The following POLN variants were observed in gnomAD, a reference collection of about 807,000 sequenced individuals.
The protein encoded by POLN is DNA polymerase N.
Under a neutral mutation model 113.5 loss-of-function variants are expected in POLN, and 108 were observed. That is an observed-to-expected ratio of 0.95 (90% CI 0.81 to 1.12). The LOEUF is 1.12. POLN is among the 50% of genes most tolerant of loss of function. The pLI is 0.00. For missense variants in POLN, 1,097 were observed against 1,077.1 expected (o/e 1.02, Z -0.26); for synonymous variants, 386 against 391.5 (o/e 0.99, Z 0.17).
At chr4:2,132,409 G>A (rs975544210) in intron 16 of POLN, among the ~76,000 whole-genome samples, 32 of 152,218 alleles carry the variant, frequency 2.1e-4, no homozygotes, top group African/African-American at 7.7e-4. Context: ...AGAGAATTGT[G>A]CAGAAAAAAG....
chr4:2,089,009 T>G (rs1730609485), intron 20 of POLN: 3 of 877,748 alleles, frequency 3.4e-6, no homozygotes, highest in South Asian at 2.9e-5. Context: ...GTTTTTCTCA[T>G]TATCCTTAGC....
chr4:2,165,320 A>G (rs1462706452), intron 13 of POLN, among the ~76,000 whole-genome samples: 1 of 152,252 alleles, frequency 6.6e-6, no homozygotes, highest in Non-Finnish European at 1.5e-5. Context: ...GAAATAAGTC[A>G]ATCCGAAAAG....
chr4:2,177,586 T>C (rs1189916668), intron 8 of POLN, among the ~76,000 whole-genome samples: 2 of 152,234 alleles, frequency 1.3e-5, no homozygotes, highest in Non-Finnish European at 2.9e-5. Flanking sequence ...GCCTCGAGTG[T>C]GGATGAGTTG....
At position 2,127,825 on chromosome 4, in the gene POLN, C is replaced by G. The variant is rs1462224495; in HGVS notation, c.1982+288G>C. Among the ~76,000 whole-genome samples, 1 of 152,244 alleles carries G rather than the reference C, an allele frequency of 6.6e-6. No individual in the cohort carries two copies. Among genetic ancestry groups the G allele is most frequent in the African/African-American group, 2.4e-5 (1 of 41,474 alleles). On this transcript the variant is annotated intron_variant, in intron 19 of 25. Transcript: ENST00000511885. The surrounding 1 kb of genome is among the most constrained non-coding windows in gnomAD (Gnocchi z 4.7). ...AGCCAGCACCGCGGGCTCGCTCTTT[C>G]CGTGGTGCTCGCCTGCAGGGCGCGG...
chr4:2,072,477 A>C (rs745467102), intron 25 of POLN, among the ~76,000 whole-genome samples, 178 bp from the exon 26 acceptor site: 1 of 152,212 alleles, frequency 6.6e-6, no homozygotes, highest in Non-Finnish European at 1.5e-5. Context: ...CTCGCCCAGC[A>C]ACAGGCTTAT....
intron 13 of POLN, among the ~76,000 whole-genome samples, chr4:2,170,071 G>A (rs956478813): frequency 6.6e-6 from 1 of 152,214 alleles, no homozygotes; most frequent in Non-Finnish European, 1.5e-5. Context: ...TTACAAAGTC[G>A]AATGCTGGAC....
At chr4:2,090,476 G>T (rs541454791) in intron 20 of POLN, 1 of 545,838 alleles carries the variant, frequency 1.8e-6, no homozygotes, top group Non-Finnish European at 3.4e-6. Flanking sequence ...TCAACGGAAG[G>T]TTTGTCACGC....
chr4:2,089,604 A>G, intron 20 of POLN: 1 of 976,298 alleles, frequency 1.0e-6, no homozygotes, highest in Non-Finnish European at 1.5e-6. Context: ...CATTTAAATT[A>G]TCAACAGTCA....
In POLN at chr4:2,181,152, T is replaced by C. The variant is rs1452751154; in HGVS notation, c.1022-1687A>G. Among the ~76,000 whole-genome samples the C allele has an allele frequency of 2.0e-5, 3 of 152,222 alleles. No homozygotes were observed. In the East Asian group the frequency reaches 5.8e-4, roughly 29 times the overall value. ...GGGAATTTTTTGTTTGTTTGTTTTG[T>C]TTGTTTTTTTGAGATGGAGTCTTGC... is the stretch of plus-strand genomic sequence containing the variant. On this transcript the variant is annotated intron_variant, in intron 7 of 25. Coordinates refer to ENST00000511885, the MANE Select transcript of POLN (RefSeq NM_181808.4).
At chr4:2,133,228 T>C (rs1387579784) in intron 16 of POLN, among the ~76,000 whole-genome samples, 2 of 151,016 alleles carry the variant, frequency 1.3e-5, no homozygotes, top group East Asian at 1.9e-4. Flanking sequence ...GAAAGTAAAT[T>C]AGTGCAGCCA....
intron 3 of POLN, among the ~76,000 whole-genome samples, chr4:2,216,035 G>A (rs985791480): frequency 1.3e-5 from 2 of 152,208 alleles, no homozygotes; most frequent in Non-Finnish European, 2.9e-5. Flanking sequence ...AATTTGGGCA[G>A]GGGACCATGA....
intron 2 of POLN, chr4:2,240,999 T>A: frequency 7.5e-7 from 1 of 1,336,762 alleles, no homozygotes. Context: ...CGGTGTTGAT[T>A]TTTAGAAAAT....
At chr4:2,100,204 G>T (rs546557989) in intron 19 of POLN, among the ~76,000 whole-genome samples, 55 of 152,240 alleles carry the variant, frequency 3.6e-4, no homozygotes, top group African/African-American at 1.2e-3. Context: ...AAGCCCACAA[G>T]TAAGTCTAGT....
Position 2,095,905 on chromosome 4 carries a change from G to T in POLN, c.2011C>A (p.His671Asn). The change falls in exon 20 of 26, where the codon CAC (histidine) becomes AAC (asparagine). Residue 671 changes from histidine (H) to asparagine (N), a missense_variant. By Grantham distance (68) the His-to-Asn change is moderately conservative (BLOSUM62 1). Coordinates refer to ENST00000511885, the MANE Select transcript of POLN (RefSeq NM_181808.4). ...TTCTTGGTTTGCTCTCTGTCTGCGTGTGTCACCTGTTCCACGGGCACATCC... is the reference window on the plus strand; with the variant it reads ...TTCTTGGTTTGCTCTCTGTCTGCGTTTGTCACCTGTTCCACGGGCACATCC... ...WKDVPVEQVT[H>N]ADREQTKKVV... 1 of 1,614,164 alleles carries T rather than the reference G, an allele frequency of 6.2e-7. No individual in the cohort carries two copies. The highest frequency in any genetic ancestry group is 8.5e-7 in the Non-Finnish European group (1 of 1,180,034).
chr4:2,110,249 G>C (rs919943052), intron 19 of POLN, among the ~76,000 whole-genome samples: 5 of 152,092 alleles, frequency 3.3e-5, no homozygotes, highest in Non-Finnish European at 2.9e-5. Flanking sequence ...AGTGTGTAGA[G>C]GGAAATTTAT....
chr4:2,075,102 T>G lies in POLN; in HGVS notation c.2455+350A>C, dbSNP rs115528570. Among the ~76,000 whole-genome samples, 709 of 152,274 alleles carry G rather than the reference T, an allele frequency of 4.7e-3. 7 individuals are homozygous for G. The highest frequency in any genetic ancestry group is 0.016 in the African/African-American group (664 of 41,568). ...CCCCAATCAGCCCAGGTGGCCCCAA[T>G]GCCCACTCCCCATCTTTCTAGACCC... is the stretch of plus-strand genomic sequence containing the variant. On this transcript the variant is annotated intron_variant, in intron 24 of 25. Coordinates refer to ENST00000511885, the MANE Select transcript of POLN (RefSeq NM_181808.4).
rs889364565 is a variant in POLN, at chr4:2,072,203, C to G, written c.2614G>C (p.Glu872Gln). ...WGPPPGPCRT[E>Q]SPSNSLAAPG... ...GCAGCCAGGCTGTTGCTGGGAGACT[C>G]AGTGCGACATGGGCCTGGCGGAGGG... Residue 872 changes from glutamate to glutamine, a missense_variant, in exon 26 of 26, where the codon GAG (glutamate) becomes CAG (glutamine). Physicochemically the swap from Glu to Gln is conservative, Grantham distance 29. Transcript: ENST00000511885. 22 of 1,610,134 alleles carry G rather than the reference C, an allele frequency of 1.4e-5. No individual in the cohort carries two copies. The Middle Eastern group carries it at 5.0e-4, about 36-fold the overall frequency.
At chr4:2,194,200 G>C (rs560811179) in intron 6 of POLN, among the ~76,000 whole-genome samples, 1 of 152,292 alleles carries the variant, frequency 6.6e-6, no homozygotes, top group East Asian at 1.9e-4. Flanking sequence ...GCAATGCTGG[G>C]ATCTGAGACC....
At chr4:2,096,686 A>AAGAGAGAGAGAGAGAGAGAGAGAGAGAG (rs750844060) in intron 19 of POLN, among the ~76,000 whole-genome samples, 4 of 130,008 alleles carry the variant, frequency 3.1e-5, no homozygotes, top group African/African-American at 8.8e-5. Flanking sequence ...AGCCGAGAGA[A>AAGAGAGAGAGAGAGAGAGAGAGAGAGAG]AGAGAGAGAG....
Sources: gnomAD v4.1 joint callset for allele counts (sites outside exome capture counted in the v4.1 genomes callset) on GRCh38, gnomAD v4.1.1 for gene constraint, Gnocchi (gnomAD v3.1) non-coding constraint, MANE v1.5 for transcripts, NCBI Gene and HGNC (gene_info 2026-07-23, HGNC 2026-07-21) for gene names.